ASIC2: variants seen among roughly 807,000 people sequenced by gnomAD.
ASIC2 encodes acid-sensing ion channel 2.
A neutral mutation model predicts 57.3 loss-of-function variants in ASIC2; 25 were observed. The ratio of observed to expected loss-of-function variants is 0.44; its 90% CI spans 0.32 to 0.61. The LOEUF is 0.61. Among genes scored for constraint, ASIC2 ranks in the 20% least tolerant of loss-of-function variants. The pLI is 0.06. For missense variants in ASIC2, 641 were observed against 738.1 expected (o/e 0.87, Z 1.52); for synonymous variants, 319 against 307.5 (o/e 1.04, Z -0.39).
chr17:33,577,589 G>A (rs1480333754), intron 1 of ASIC2, among the ~76,000 whole-genome samples: 1 of 152,090 alleles, frequency 6.6e-6, no homozygotes, highest in African/African-American at 2.4e-5. Context: ...CAGGAATATG[G>A]CCCTGGAATG....
intron 1 of ASIC2, among the ~76,000 whole-genome samples, chr17:33,765,508 G>A (rs1172955334): frequency 6.6e-6 from 1 of 152,138 alleles, no homozygotes; most frequent in Non-Finnish European, 1.5e-5. Flanking sequence ...GTTGTCTCAG[G>A]CAGGTTCCTC....
intron 1 of ASIC2, among the ~76,000 whole-genome samples, chr17:33,621,715 A>G (rs72827234): frequency 1.3e-5 from 2 of 152,122 alleles, no homozygotes; most frequent in Non-Finnish European, 2.9e-5. Context: ...ACAAAGATGC[A>G]GTTCCTGGGG....
chr17:33,819,115 T>G (rs1172286303), intron 1 of ASIC2, among the ~76,000 whole-genome samples: 1 of 152,204 alleles, frequency 6.6e-6, no homozygotes, highest in Non-Finnish European at 1.5e-5. Flanking sequence ...GCTATATGCC[T>G]TTCCTAAGAA....
chr17:34,080,425 AG>A (rs1431903292), intron 1 of ASIC2, among the ~76,000 whole-genome samples: 11 of 152,374 alleles, frequency 7.2e-5, no homozygotes, highest in African/African-American at 2.4e-4. Flanking sequence ...TGAATGAGAA[AG>A]GGGAACAAAC....
chr17:33,830,126 T>A (rs1016313703), intron 1 of ASIC2, among the ~76,000 whole-genome samples: 12 of 152,190 alleles, frequency 7.9e-5, no homozygotes, highest in Admixed American at 6.5e-4. Flanking sequence ...CTCTTCCTTA[T>A]AATTAAGCTG....
chr17:33,665,733 A>T (rs1907450983), intron 1 of ASIC2, among the ~76,000 whole-genome samples: 1 of 152,134 alleles, frequency 6.6e-6, no homozygotes, highest in Non-Finnish European at 1.5e-5. Context: ...GGTGAATAAG[A>T]TTTTCTCCAT....
chr17:33,316,597 T>C lies in ASIC2; in HGVS notation c.556-204530A>G, dbSNP rs576569359. Among the ~76,000 whole-genome samples the C allele has an allele frequency of 3.3e-5, 5 of 152,312 alleles. No individual in the cohort carries two copies. In the East Asian group the frequency reaches 7.7e-4, roughly 24 times the overall value. On this transcript the variant is annotated intron_variant, in intron 1 of 9. Transcript: ENST00000359872. ...GACACCACGCCTGGCCATCTTCATG[T>C]TTTAAGAAAGCCTTTTCTTCCATCC...
chr17:33,665,045 T>A (rs909764422), intron 1 of ASIC2, among the ~76,000 whole-genome samples: 2 of 152,198 alleles, frequency 1.3e-5, no homozygotes, highest in Admixed American at 6.5e-5. Flanking sequence ...AATTTTATTT[T>A]TTTTTTTAAG....
At chr17:33,851,854 C>G (rs1159408636) in intron 1 of ASIC2, among the ~76,000 whole-genome samples, 1 of 152,184 alleles carries the variant, frequency 6.6e-6, no homozygotes, top group Non-Finnish European at 1.5e-5. Context: ...TTGTTTATCT[C>G]CCAAATGGAA....
At chr17:33,687,602 C>T (rs1256333751) in intron 1 of ASIC2, among the ~76,000 whole-genome samples, 1 of 152,180 alleles carries the variant, frequency 6.6e-6, no homozygotes, top group African/African-American at 2.4e-5. Context: ...CCCCAGCCCA[C>T]GCAGCTCTCA....
At chr17:33,368,198 T>A (rs779099745) in intron 1 of ASIC2, among the ~76,000 whole-genome samples, 1 of 152,152 alleles carries the variant, frequency 6.6e-6, no homozygotes, top group East Asian at 1.9e-4. Flanking sequence ...TGAGTCTAGG[T>A]CATAAAAAGT....
intron 1 of ASIC2, among the ~76,000 whole-genome samples, chr17:33,242,416 C>T (rs1387246853): frequency 6.6e-6 from 1 of 152,112 alleles, no homozygotes; most frequent in Non-Finnish European, 1.5e-5. Context: ...GTTTTATAGC[C>T]CAGCACTATG....
At chr17:33,752,381 A>T (rs1462496518) in intron 1 of ASIC2, among the ~76,000 whole-genome samples, 2 of 52,312 alleles carry the variant, frequency 3.8e-5, no homozygotes, top group Non-Finnish European at 1.1e-4. Flanking sequence ...TTTCATTAGC[A>T]AAAAAAAGTC....
At chr17:34,095,741 T>TTA (rs572766808) in intron 1 of ASIC2, among the ~76,000 whole-genome samples, 3,208 of 142,666 alleles carry the variant, frequency 0.022, 38 homozygotes, top group African/African-American at 0.027. Context: ...ATATATAATT[T>TTA]TATATATATA....
intron 2 of ASIC2, among the ~76,000 whole-genome samples, chr17:33,098,667 A>T (rs1303485926): frequency 1.3e-5 from 2 of 152,232 alleles, no homozygotes; most frequent in Non-Finnish European, 2.9e-5. Context: ...GGAGCACACT[A>T]GTATTTTAAA....
intron 1 of ASIC2, among the ~76,000 whole-genome samples, chr17:33,381,141 A>G (rs887962780): frequency 1.3e-5 from 2 of 152,226 alleles, no homozygotes; most frequent in East Asian, 3.8e-4. Flanking sequence ...TAGAGAACAA[A>G]GTGAAGAACT....
At chr17:33,121,405 A>G (rs1194055589) in intron 1 of ASIC2, among the ~76,000 whole-genome samples, 1 of 151,452 alleles carries the variant, frequency 6.6e-6, no homozygotes, top group Admixed American at 6.6e-5. Flanking sequence ...CACAGAAGGA[A>G]GCTGCCTGGT....
chr17:33,378,208 ATTG>A (rs1347258467), intron 1 of ASIC2, among the ~76,000 whole-genome samples: 1 of 152,196 alleles, frequency 6.6e-6, no homozygotes, highest in Admixed American at 6.5e-5. Context: ...TTCATCAGAG[ATTG>A]TTGTGATCAT....
chr17:33,438,153 A>T (rs1333038098), intron 1 of ASIC2, among the ~76,000 whole-genome samples: 2 of 152,218 alleles, frequency 1.3e-5, no homozygotes, highest in Non-Finnish European at 2.9e-5. Flanking sequence ...AACGATACCC[A>T]ATATGCAAAA....
Sources: allele counts gnomAD v4.1 joint callset (sites outside exome capture counted in the v4.1 genomes callset), GRCh38; gene constraint gnomAD v4.1.1; transcripts MANE v1.5; gene names NCBI Gene and HGNC (gene_info 2026-07-23, HGNC 2026-07-21).